The following RBFOX1 variants were observed in gnomAD, a reference collection of about 807,000 sequenced individuals.
RBFOX1 encodes the protein RNA binding fox-1 homolog 1.
Under a neutral mutation model 57.7 loss-of-function variants are expected in RBFOX1, and 8 were observed. That is an observed-to-expected ratio of 0.14 (90% CI 0.08 to 0.25). The LOEUF is 0.25. Ranked by LOEUF, RBFOX1 falls within the 10% of genes least tolerant of loss-of-function variation. The pLI is 1.00. For synonymous variants in RBFOX1, 326 were observed against 222.4 expected, an observed-to-expected ratio of 1.47 and a Z score of -4.15; for missense variants, 611 against 548.5, an observed-to-expected ratio of 1.11 and a Z score of -1.14.
chr16:6,853,693 A>G (rs565794696), intron 3 of RBFOX1, among the ~76,000 whole-genome samples: 1 of 152,162 alleles, frequency 6.6e-6, no homozygotes, highest in African/African-American at 2.4e-5. Flanking sequence ...GTAGCAATTT[A>G]TCACCCTGGT....
At chr16:6,031,637 G>A (rs531785130) in intron 1 of RBFOX1, among the ~76,000 whole-genome samples, 1 of 152,310 alleles carries the variant, frequency 6.6e-6, no homozygotes, top group South Asian at 2.1e-4. Context: ...GTGTGTGTAT[G>A]TATGTACATG....
rs928362363 is a variant in RBFOX1, at chr16:5,566,672, GTA to G, written c.259-32224_259-32223del. 7.0e-3 allele frequency among the ~76,000 whole-genome samples: 367 copies of G among 52,120 alleles called. 3 individuals are homozygous for G. Among genetic ancestry groups the G allele is most frequent in the African/African-American group, 0.044 (338 of 7,606 alleles). 34.2% of individuals were successfully genotyped at this position (52,120 alleles called of 152,430 possible). ...TATATGTGTATATATGTATATGTGTGTATATATGTGTATATATATATACACAT... is the reference window on the plus strand; with the variant it reads ...TATATGTGTATATATGTATATGTGTGTATATGTGTATATATATATACACAT... On this transcript the variant is annotated intron_variant, in intron 2 of 2. Transcript: ENST00000585867.
At chr16:6,322,363 C>A (rs774369051) in intron 2 of RBFOX1, among the ~76,000 whole-genome samples, 3 of 152,204 alleles carry the variant, frequency 2.0e-5, no homozygotes, top group African/African-American at 7.2e-5. Context: ...TTCATTCCAA[C>A]TGGGCAAGTT....
chr16:7,052,453 C>G (rs918997303), intron 4 of RBFOX1, among the ~76,000 whole-genome samples: 3 of 152,148 alleles, frequency 2.0e-5, no homozygotes, highest in Non-Finnish European at 2.9e-5. Flanking sequence ...GAATACCAGG[C>G]TGTTTGCTGA....
At chr16:5,505,489 G>T (rs892553995) in intron 2 of RBFOX1, among the ~76,000 whole-genome samples, 24 of 152,146 alleles carry the variant, frequency 1.6e-4, no homozygotes, top group Non-Finnish European at 2.9e-4. Context: ...GATTCCAGGG[G>T]TGCCCTATGT....
At chr16:7,216,204 C>T (rs2092011723) in intron 4 of RBFOX1, among the ~76,000 whole-genome samples, 1 of 152,112 alleles carries the variant, frequency 6.6e-6, no homozygotes, top group South Asian at 2.1e-4. Context: ...TGGGTTGTTT[C>T]CACTTATTGG....
intron 3 of RBFOX1, among the ~76,000 whole-genome samples, chr16:5,652,740 G>C (rs190684883): frequency 9.2e-5 from 14 of 152,316 alleles, no homozygotes; most frequent in Middle Eastern, 3.4e-3. Context: ...CAAAGGATTT[G>C]AAACCAGACA....
At chr16:6,895,016 C>A (rs888359217) in intron 3 of RBFOX1, among the ~76,000 whole-genome samples, 1 of 152,178 alleles carries the variant, frequency 6.6e-6, no homozygotes. Context: ...CAACGTCAGT[C>A]TAGTTCATCC....
intron 2 of RBFOX1, among the ~76,000 whole-genome samples, chr16:6,507,481 G>T (rs1033783197): frequency 1.9e-5 from 2 of 106,932 alleles, no homozygotes; most frequent in African/African-American, 7.3e-5. Context: ...AATCAACCTG[G>T]GCAACATAAC....
intron 4 of RBFOX1, among the ~76,000 whole-genome samples, chr16:5,942,048 G>A (rs1813386): frequency 0.65 from 98,611 of 151,808 alleles, 32,220 homozygotes; most frequent in Middle Eastern, 0.75. Context: ...CCCCATGTCC[G>A]TTGGCTTATT....
chr16:6,421,127 C>T (rs111458216), intron 2 of RBFOX1, among the ~76,000 whole-genome samples: 473 of 152,230 alleles, frequency 3.1e-3, no homozygotes, highest in Middle Eastern at 0.017. Context: ...GATAAATGAA[C>T]CGTGGTGTAA....
intron 3 of RBFOX1, among the ~76,000 whole-genome samples, chr16:6,827,359 TGTGTTGTGTGC>T (rs1335045150): frequency 6.6e-6 from 1 of 152,072 alleles, no homozygotes; most frequent in Admixed American, 6.5e-5. Context: ...AATGGGAAGA[TGTGTTGTGTGC>T]CTTATCTGAC....
intron 3 of RBFOX1, among the ~76,000 whole-genome samples, chr16:7,023,386 G>A (rs1175117235): frequency 2.0e-5 from 3 of 151,338 alleles, no homozygotes; most frequent in South Asian, 2.1e-4. Context: ...CTTGAACCCA[G>A]GAGGCAGAGG....
chr16:6,435,715 A>T (rs2094215193), intron 2 of RBFOX1, among the ~76,000 whole-genome samples: 1 of 152,162 alleles, frequency 6.6e-6, no homozygotes, highest in South Asian at 2.1e-4. Context: ...ACTGCATCTA[A>T]TTCTGAAATC....
intron 3 of RBFOX1, among the ~76,000 whole-genome samples, chr16:6,924,451 G>C (rs1023253534): frequency 1.3e-5 from 2 of 151,922 alleles, no homozygotes; most frequent in Admixed American, 6.6e-5. Context: ...TCACTAAGGG[G>C]ATGGCAGGCA....
At chr16:7,130,197 C>G (rs1248415108) in intron 4 of RBFOX1, among the ~76,000 whole-genome samples, 1 of 151,860 alleles carries the variant, frequency 6.6e-6, no homozygotes, top group Non-Finnish European at 1.5e-5. Flanking sequence ...CCATGCCCAG[C>G]TAATTTTTGT....
At chr16:6,160,626 A>G (rs2096871228) in intron 1 of RBFOX1, among the ~76,000 whole-genome samples, 2 of 152,080 alleles carry the variant, frequency 1.3e-5, no homozygotes, top group Admixed American at 1.3e-4. Context: ...GTCTGTTCCC[A>G]GTGGCTTTAT....
intron 2 of RBFOX1, among the ~76,000 whole-genome samples, chr16:5,478,960 A>G (rs565498303): frequency 7.7e-4 from 117 of 152,286 alleles, no homozygotes; most frequent in African/African-American, 2.6e-3. Context: ...AGGGCACCAG[A>G]TTATAACTTG....
intron 3 of RBFOX1, among the ~76,000 whole-genome samples, chr16:6,843,977 A>C (rs2093628275): frequency 6.6e-6 from 1 of 152,236 alleles, no homozygotes; most frequent in East Asian, 1.9e-4. Context: ...TAATGTGTAC[A>C]ATTCACTATT....
Sources: allele counts gnomAD v4.1 joint callset (sites outside exome capture counted in the v4.1 genomes callset), GRCh38; gene constraint gnomAD v4.1.1; transcripts MANE v1.5; gene names NCBI Gene and HGNC (gene_info 2026-07-23, HGNC 2026-07-21).